The following EPS8L1 variants were observed in gnomAD, a reference collection of about 807,000 sequenced individuals.
EPS8L1 encodes the protein epidermal growth factor receptor kinase substrate 8-like protein 1.
A neutral mutation model predicts 91.7 loss-of-function variants in EPS8L1; 101 were observed. The observed-to-expected ratio is 1.10, with a 90% confidence interval of 0.94 to 1.30. EPS8L1 has a LOEUF of 1.30. Among genes scored for constraint, EPS8L1 ranks in the 50% most tolerant of loss-of-function variants. EPS8L1 has a pLI of 0.00. For missense variants in EPS8L1, 1,114 were observed against 1,017.0 expected (o/e 1.10, Z -1.30); for synonymous variants, 506 against 445.3 (o/e 1.14, Z -1.72).
chr19:55,080,440 G>A lies in EPS8L1; in HGVS notation c.429+162G>A, dbSNP rs376078150. The A allele has an allele frequency of 3.8e-4, 608 of 1,609,478 alleles. 5 individuals carry two copies. In the East Asian group the frequency reaches 0.011, roughly 28 times the overall value. ...TGGGAAGGAAGTTCTGGAAGGCAGT[G>A]GGGTTTGAGATTGGACCCAGGGTCA... On this transcript the variant is annotated intron_variant, in intron 6 of 19. Coordinates refer to ENST00000201647, the MANE Select transcript of EPS8L1 (RefSeq NM_133180.3).
chr19:55,078,878 G>A, intron 3 of EPS8L1, 121 bp from the exon 4 acceptor site: 2 of 822,722 alleles, frequency 2.4e-6, no homozygotes, highest in South Asian at 3.0e-5. Context: ...AGAGGGAAGA[G>A]GGGCTGGGGG....
intron 17 of EPS8L1, 84 bp downstream of exon 17, chr19:55,086,602 G>A (rs1392573906): frequency 1.3e-6 from 2 of 1,532,808 alleles, no homozygotes; most frequent in South Asian, 2.5e-5. Flanking sequence ...AAAGAGCAAA[G>A]GGACTCCCGT....
At chr19:55,077,327 G>A (rs1290303557) in intron 2 of EPS8L1, among the ~76,000 whole-genome samples, 1 of 152,036 alleles carries the variant, frequency 6.6e-6, no homozygotes, top group Admixed American at 6.6e-5. Flanking sequence ...GCTAAGCCCT[G>A]GCAGCATCTT....
chr19:55,080,832 G>T lies in EPS8L1; in HGVS notation c.490G>T (p.Glu164Ter). Residue 164 changes from glutamate (E) to a stop codon, truncating the protein, a stop_gained, in exon 7 of 20, where the codon GAG (glutamate) becomes TAG (stop). Transcript: ENST00000201647. LOFTEE classifies it high-confidence loss of function. ...GCACAATTACCGCTCGGGCCGCGGG[G>T]AGCGCAGGGCGGCGGCGCTCAGGTG... is the stretch of plus-strand genomic sequence containing the variant. ...ALHNYRSGRGERRAAALRATQ... is the reference protein window; with the variant it reads ...ALHNYRSGRG 6.2e-7 allele frequency: 1 copy of T among 1,611,546 alleles called. No individual in the cohort carries two copies. Among genetic ancestry groups the T allele is most frequent in the South Asian group, 1.1e-5 (1 of 90,830 alleles).
Position 55,081,184 on chromosome 19 carries a change from G to T in EPS8L1, c.513-47G>T, listed in dbSNP as rs778175393. ...CTGCGCCCTGGATTTCCCCCTCCCT[G>T]GACCCCTCAGTGGACCCAGTCTTGG... On this transcript the variant is annotated intron_variant, in intron 7 of 19. Transcript: ENST00000201647. This position sits in a 1 kb window ranked among gnomAD's most constrained non-coding sequence, Gnocchi z 4.9. 1 of 1,474,722 alleles carries T rather than the reference G, an allele frequency of 6.8e-7. No homozygotes were observed. Among genetic ancestry groups the T allele is most frequent in the Non-Finnish European group, 8.9e-7 (1 of 1,121,928 alleles). The allele number at this position is 1,474,722 out of a possible 1,614,324, so 91.4% of individuals were successfully genotyped here. A position where few individuals can be genotyped will look rare whatever the true frequency, so the allele number is the denominator to read the frequency against.
chr19:55,087,415 G>A lies in EPS8L1; in HGVS notation c.2065G>A (p.Val689Met), dbSNP rs2076364974. The A allele has an allele frequency of 6.2e-7, 1 of 1,614,134 alleles. No individual in the cohort carries two copies. Among genetic ancestry groups the A allele is most frequent in the South Asian group, 1.1e-5 (1 of 91,080 alleles). ...GGCACGTGTGTACAGCCAGGTCACC[G>A]TGCAGCGCTCGCTGCTGGAGGTGAG... ...EGARVYSQVT[V>M]QRSLLEDKEK... Residue 689 changes from valine (V) to methionine (M), a missense_variant, in exon 19 of 20, where the codon GTG (valine) becomes ATG (methionine). Physicochemically the swap from Val to Met is conservative, Grantham distance 21 (BLOSUM62 1). Transcript: ENST00000201647.
chr19:55,079,212 T>A (rs1439903098), intron 4 of EPS8L1, among the ~76,000 whole-genome samples, 155 bp downstream of exon 4: 1 of 152,110 alleles, frequency 6.6e-6, no homozygotes, highest in East Asian at 1.9e-4. Flanking sequence ...CTCACCTCAG[T>A]CATGGATATG....
In EPS8L1 at chr19:55,086,791, G is replaced by A. The variant is rs371929376; in HGVS notation, c.1855G>A (p.Ala619Thr). 21 of 1,604,856 alleles carry A rather than the reference G, an allele frequency of 1.3e-5. No individual in the cohort carries two copies. The Admixed American group carries it at 1.4e-4, about 10-fold the overall frequency. The change falls in exon 18 of 20, where the codon GCA becomes ACA. Residue 619 changes from alanine (A) to threonine (T), a missense_variant. Physicochemically the swap from Ala to Thr is moderately conservative, Grantham distance 58 (BLOSUM62 0). Transcript: ENST00000201647. ...LAQGRSGPSRAVPGPRAPEPQ... is the reference protein window; with the variant it reads ...LAQGRSGPSRTVPGPRAPEPQ... ...CCAGGGCCGCTCGGGACCGAGCCGC[G>A]CAGTCCCAGGGCCCCGCGCCCCGGA...
rs769694763 is a variant in EPS8L1 at position 55,081,504 on chromosome 19, A to G, written c.774+12A>G. 1.2e-4 allele frequency: 185 copies of G among 1,566,898 alleles called. No individual in the cohort carries two copies. Among genetic ancestry groups the G allele is most frequent in the Non-Finnish European group, 1.4e-4 (159 of 1,157,044 alleles). On this transcript the variant is annotated intron_variant, in intron 8 of 19. Transcript: ENST00000201647. The surrounding 1 kb of genome is among the most constrained non-coding windows in gnomAD (Gnocchi z 4.9). Reference sequence around the variant, plus strand: ...CGGAGCGGGAAGTGGTGAGCCGCTAAGGAAGGGGTCTGGGGGCAGGGCCAG... The same window carrying G: ...CGGAGCGGGAAGTGGTGAGCCGCTAGGGAAGGGGTCTGGGGGCAGGGCCAG...
rs2147158450 is a variant in EPS8L1, at chr19:55,083,864, G to A, written c.1385+220G>A. 1.4e-6 allele frequency: 1 copy of A among 702,118 alleles called. No individual in the cohort carries two copies. Among genetic ancestry groups the A allele is most frequent in the Non-Finnish European group, 2.5e-6 (1 of 406,914 alleles). 43.5% of individuals were successfully genotyped at this position (702,118 alleles called of 1,614,324 possible). ...AGACTTCTGGGGCTAAGGGAGTTGG[G>A]AATGGAGACCCGGATTCCTGGGCCT... On this transcript the variant is annotated intron_variant, in intron 14 of 19. Transcript: ENST00000201647. The surrounding 1 kb of genome is among the most constrained non-coding windows in gnomAD (Gnocchi z 4.7).
chr19:55,086,239 C>T (rs374062682), intron 16 of EPS8L1, 47 bp downstream of exon 16: 1 of 1,599,162 alleles, frequency 6.3e-7, no homozygotes, highest in Non-Finnish European at 8.5e-7. Context: ...GAGGCTGGGA[C>T]CAGATCCTGG....
At chr19:55,087,501 C>G (rs1346939031) in intron 19 of EPS8L1, 27 bp from the exon 20 acceptor site, 1 of 1,614,124 alleles carries the variant, frequency 6.2e-7, no homozygotes. Context: ...GACGCCAGGA[C>G]AAAGCGATTT....
chr19:55,082,199 C>A lies in EPS8L1; in HGVS notation c.990+19C>A. 6.3e-7 allele frequency: 1 copy of A among 1,591,542 alleles called. No individual in the cohort carries two copies. On this transcript the variant is annotated intron_variant, in intron 10 of 19. Coordinates refer to ENST00000201647, the MANE Select transcript of EPS8L1 (RefSeq NM_133180.3). The stretch of plus-strand genomic sequence containing the variant: ...CCTGCTGGTGAGGACGCGCCCGCCC[C>A]TGGGCCGGGGCGCGGGCACGACGAA...
At position 55,078,291 on chromosome 19, in the gene EPS8L1, T is replaced by TG. The variant is rs531734675; in HGVS notation, c.58+169dup. On this transcript the variant is annotated intron_variant, in intron 3 of 19. Transcript: ENST00000201647. ...CTCCTGGGTCAGAGGGAAGAGGGGC[T>TG]GGGGGGCTGGACTCCTAGGTTTGAG... is the stretch of plus-strand genomic sequence containing the variant. Among the ~76,000 whole-genome samples the TG allele has an allele frequency of 3.3e-5, 2 of 60,298 alleles. 1 individual carries two copies. The highest frequency in any genetic ancestry group is 1.3e-4 in the African/African-American group (2 of 14,882). 39.6% of individuals were successfully genotyped at this position (60,298 alleles called of 152,430 possible).
chr19:55,078,168 G>T (rs755888827), intron 3 of EPS8L1, 40 bp downstream of exon 3: 3 of 1,606,346 alleles, frequency 1.9e-6, no homozygotes, highest in Non-Finnish European at 2.6e-6. Context: ...CATAGAACTG[G>T]GTCTAAAGAA....
intron 3 of EPS8L1, among the ~76,000 whole-genome samples, chr19:55,078,719 C>T (rs1188470393): frequency 6.9e-4 from 16 of 23,192 alleles, no homozygotes; most frequent in Non-Finnish European, 1.2e-3. Context: ...ACTCCTGGGT[C>T]AGAGGGAAGA....
chr19:55,078,778 G>C (rs12462544), intron 3 of EPS8L1, among the ~76,000 whole-genome samples: 12 of 24,582 alleles, frequency 4.9e-4, no homozygotes, highest in Non-Finnish European at 7.3e-4. Context: ...GGGCTGGGGG[G>C]CTGGACTCCT....
chr19:55,077,641 T>C (rs12459801), intron 2 of EPS8L1, among the ~76,000 whole-genome samples: 23,746 of 133,618 alleles, frequency 0.18, 2,258 homozygotes, highest in Middle Eastern at 0.25. Flanking sequence ...CAGGCTGGAG[T>C]GCAGTGGCAC....
At chr19:55,080,664 G>T in intron 6 of EPS8L1, 108 bp from the exon 7 acceptor site, 1 of 1,561,602 alleles carries the variant, frequency 6.4e-7, no homozygotes, top group East Asian at 2.3e-5. Flanking sequence ...AGGTGTGAAC[G>T]GTAGCCGCAC....
Sources: gnomAD v4.1 joint callset for allele counts (sites outside exome capture counted in the v4.1 genomes callset) on GRCh38, gnomAD v4.1.1 for gene constraint, Gnocchi (gnomAD v3.1) non-coding constraint, MANE v1.5 for transcripts, NCBI Gene and HGNC (gene_info 2026-07-23, HGNC 2026-07-21) for gene names.